The following PLXDC2 variants were observed in gnomAD, a reference collection of about 807,000 sequenced individuals.
PLXDC2 encodes the protein plexin domain containing 2.
In PLXDC2, 40 loss-of-function variants were observed where a neutral mutation model predicts 68.9. That is an observed-to-expected ratio of 0.58 (90% CI 0.45 to 0.76). The LOEUF (loss-of-function observed/expected upper bound fraction) is 0.76. Ranked by LOEUF, PLXDC2 falls within the 30% of genes least tolerant of loss-of-function variation. The pLI, the probability that PLXDC2 is intolerant of heterozygous loss-of-function variation, is 0.00. For missense variants in PLXDC2, 644 were observed against 661.9 expected (o/e 0.97, Z 0.30); for synonymous variants, 243 against 234.2 (o/e 1.04, Z -0.34).
At chr10:20,182,919 TC>T (rs34177227) in intron 9 of PLXDC2, among the ~76,000 whole-genome samples, 1 of 151,924 alleles carries the variant, frequency 6.6e-6, no homozygotes, top group Non-Finnish European at 1.5e-5. Flanking sequence ...ATTGTTCAAC[TC>T]CCCCTTATGA....
chr10:20,180,736 A>G (rs994885664), intron 9 of PLXDC2, among the ~76,000 whole-genome samples: 3 of 152,092 alleles, frequency 2.0e-5, no homozygotes, highest in African/African-American at 7.2e-5. Flanking sequence ...AACTAAGGCA[A>G]AATGTTTGCA....
At chr10:20,186,891 C>G (rs1458059283) in intron 9 of PLXDC2, among the ~76,000 whole-genome samples, 2 of 151,872 alleles carry the variant, frequency 1.3e-5, no homozygotes, top group South Asian at 2.1e-4. Context: ...GTGCATGTAT[C>G]TTTATTCTAG....
chr10:20,136,899 T>C (rs1833941368), intron 4 of PLXDC2, among the ~76,000 whole-genome samples: 1 of 152,232 alleles, frequency 6.6e-6, no homozygotes, highest in Non-Finnish European at 1.5e-5. Context: ...GTGCATCCTT[T>C]ATTACTGTGA....
intron 13 of PLXDC2, among the ~76,000 whole-genome samples, chr10:20,252,018 A>G (rs956932725): frequency 1.3e-5 from 2 of 152,168 alleles, no homozygotes; most frequent in African/African-American, 4.8e-5. Context: ...ATGTCCTCAG[A>G]GAGAAAGGAG....
At chr10:20,158,605 G>A (rs1264160800) in intron 6 of PLXDC2, among the ~76,000 whole-genome samples, 2 of 151,696 alleles carry the variant, frequency 1.3e-5, no homozygotes, top group Admixed American at 1.3e-4. Flanking sequence ...TGAGACTGCA[G>A]TGAACTGTGA....
At chr10:20,018,705 T>C (rs1835253422) in intron 2 of PLXDC2, among the ~76,000 whole-genome samples, 1 of 152,196 alleles carries the variant, frequency 6.6e-6, no homozygotes, top group African/African-American at 2.4e-5. Context: ...TAATCATTTT[T>C]TTCTTCTTTT....
At chr10:20,269,921 G>A (rs1835914295) in intron 13 of PLXDC2, among the ~76,000 whole-genome samples, 1 of 152,186 alleles carries the variant, frequency 6.6e-6, no homozygotes, top group Non-Finnish European at 1.5e-5. Context: ...GGGAGGCTGA[G>A]GCAGGAGAAT....
chr10:19,894,196 G>A (rs1480886594), intron 1 of PLXDC2, among the ~76,000 whole-genome samples: 1 of 151,848 alleles, frequency 6.6e-6, no homozygotes, highest in Non-Finnish European at 1.5e-5. Flanking sequence ...TGTCCCTGAA[G>A]TCTTCAAGAT....
At chr10:20,039,746 A>G (rs1464184542) in intron 2 of PLXDC2, among the ~76,000 whole-genome samples, 1 of 152,194 alleles carries the variant, frequency 6.6e-6, no homozygotes, top group African/African-American at 2.4e-5. Flanking sequence ...GTTTATTATA[A>G]AAAAATTCAA....
At chr10:19,857,179 A>G (rs1277097624) in intron 1 of PLXDC2, among the ~76,000 whole-genome samples, 1 of 152,232 alleles carries the variant, frequency 6.6e-6, no homozygotes, top group Non-Finnish European at 1.5e-5. Context: ...AGCAAGTTAC[A>G]GAGCTAGTCA....
chr10:20,063,733 C>T (rs902974476), intron 3 of PLXDC2, among the ~76,000 whole-genome samples: 6 of 152,048 alleles, frequency 3.9e-5, no homozygotes, highest in Admixed American at 2.0e-4. Flanking sequence ...TAGTCTGTTG[C>T]CCCGAGAAAT....
At chr10:19,897,802 C>G (rs1838086148) in intron 1 of PLXDC2, among the ~76,000 whole-genome samples, 1 of 151,966 alleles carries the variant, frequency 6.6e-6, no homozygotes, top group Non-Finnish European at 1.5e-5. Flanking sequence ...TTGCATCTCC[C>G]TAATTTGAGA....
At chr10:20,030,957 G>A (rs1472666066) in intron 2 of PLXDC2, among the ~76,000 whole-genome samples, 1 of 152,114 alleles carries the variant, frequency 6.6e-6, no homozygotes, top group Non-Finnish European at 1.5e-5. Flanking sequence ...ACTTAGAAAT[G>A]AGACAGCAAA....
chr10:20,015,932 A>G (rs561432210), intron 2 of PLXDC2, among the ~76,000 whole-genome samples: 10 of 152,186 alleles, frequency 6.6e-5, no homozygotes, highest in Non-Finnish European at 1.2e-4. Flanking sequence ...CTAAGAACTC[A>G]TATACTAGTA....
chr10:20,213,264 G>GT (rs949439935), intron 10 of PLXDC2, among the ~76,000 whole-genome samples: 2 of 151,506 alleles, frequency 1.3e-5, no homozygotes, highest in African/African-American at 2.4e-5. Flanking sequence ...GTTTCGTGGG[G>GT]TTTTTTTTCT....
chr10:20,154,954 G>C (rs528116035), intron 6 of PLXDC2, among the ~76,000 whole-genome samples: 1 of 152,084 alleles, frequency 6.6e-6, no homozygotes, highest in Non-Finnish European at 1.5e-5. Context: ...CATTTTCTTG[G>C]TTGAATACTT....
At chr10:20,163,820 A>G (rs572007302) in intron 6 of PLXDC2, among the ~76,000 whole-genome samples, 77 of 152,256 alleles carry the variant, frequency 5.1e-4, no homozygotes, top group East Asian at 3.3e-3. Flanking sequence ...AGAAATGTCT[A>G]TCGTATTCAG....
At chr10:19,887,189 T>G (rs551988278) in intron 1 of PLXDC2, among the ~76,000 whole-genome samples, 10 of 152,304 alleles carry the variant, frequency 6.6e-5, no homozygotes, top group South Asian at 2.1e-4. Context: ...GGATCAGTTA[T>G]TCATTAAAAC....
chr10:19,974,450 C>T (rs948714115), intron 1 of PLXDC2, among the ~76,000 whole-genome samples: 4 of 152,218 alleles, frequency 2.6e-5, no homozygotes, highest in Admixed American at 2.0e-4. Flanking sequence ...AAAGGCCATA[C>T]TTCACTGGCT....
Sources: gnomAD v4.1 joint callset for allele counts (sites outside exome capture counted in the v4.1 genomes callset) on GRCh38, gnomAD v4.1.1 for gene constraint, MANE v1.5 for transcripts, NCBI Gene and HGNC (gene_info 2026-07-23, HGNC 2026-07-21) for gene names.